DIAPH2: variants seen among roughly 807,000 people sequenced by gnomAD.
DIAPH2 encodes the protein protein diaphanous homolog 2.
Under a neutral mutation model 92.7 loss-of-function variants are expected in DIAPH2, and 35 were observed. That is an observed-to-expected ratio of 0.38 (90% CI 0.29 to 0.50). DIAPH2 has a LOEUF of 0.50. Ranked by LOEUF, DIAPH2 falls within the 20% of genes least tolerant of loss-of-function variation. The pLI, the probability that DIAPH2 is intolerant of heterozygous loss-of-function variation, is 0.94. For synonymous variants in DIAPH2, 301 were observed against 280.4 expected (o/e 1.07, Z -0.73); for missense variants, 701 against 819.5 (o/e 0.86, Z 1.77).
chrX:97,279,664 GCAAA>G (rs1175806901), intron 23 of DIAPH2, among the ~76,000 whole-genome samples: 1 of 111,167 alleles, frequency 9.0e-6, no homozygotes, highest in Non-Finnish European at 1.9e-5. Context: ...CGTTCTTAAG[GCAAA>G]CAATTTTTGT....
At chrX:97,549,172 G>A (rs1324154498) in intron 26 of DIAPH2, among the ~76,000 whole-genome samples, 1 of 111,885 alleles carries the variant, frequency 8.9e-6, no homozygotes, top group African/African-American at 3.2e-5. Context: ...AGGCAGGCTT[G>A]CTAAATAGCT....
At chrX:96,876,213 C>G (rs1457673558) in intron 4 of DIAPH2, among the ~76,000 whole-genome samples, 14 of 111,011 alleles carry the variant, frequency 1.3e-4, no homozygotes, top group African/African-American at 3.9e-4. Context: ...CAATGAGATA[C>G]CATCTCACAC....
intron 22 of DIAPH2, among the ~76,000 whole-genome samples, chrX:97,158,333 C>G (rs1275855933): frequency 1.8e-5 from 2 of 108,659 alleles, no homozygotes; most frequent in Non-Finnish European, 3.8e-5. Context: ...TATGTTTGAT[C>G]GGTTCTATTG....
At chrX:97,115,465 G>A (rs2067010038) in intron 21 of DIAPH2, among the ~76,000 whole-genome samples, 1 of 110,884 alleles carries the variant, frequency 9.0e-6, no homozygotes, top group Non-Finnish European at 1.9e-5. Flanking sequence ...GAACACGGGA[G>A]GCGGGGGTTG....
rs375396850 is a variant in DIAPH2 at position 97,351,676 on chromosome X, G to A, written c.3009+3396G>A. Among the ~76,000 whole-genome samples, 6 of 110,942 alleles carry A rather than the reference G, an allele frequency of 5.4e-5. No homozygotes were observed. The East Asian group carries it at 1.4e-3, about 26-fold the overall frequency. On this transcript the variant is annotated intron_variant, in intron 24 of 26. Coordinates refer to ENST00000324765, the MANE Select transcript of DIAPH2 (RefSeq NM_006729.5). ...AAATTAGCCGGGCGTGGTGGCGGGC[G>A]CCTGTAGTCCCAGCTACTCGGGAGG...
chrX:97,221,275 G>T (rs892859670), intron 22 of DIAPH2, among the ~76,000 whole-genome samples: 1 of 111,785 alleles, frequency 8.9e-6, no homozygotes, highest in Non-Finnish European at 1.9e-5. Flanking sequence ...GAGTTGATTT[G>T]AAAAGTTTTT....
chrX:96,687,844 G>T (rs2063779476), intron 1 of DIAPH2, among the ~76,000 whole-genome samples: 1 of 110,839 alleles, frequency 9.0e-6, no homozygotes, highest in African/African-American at 3.3e-5. Flanking sequence ...TGACCCTTTT[G>T]TTTTGATTCT....
chrX:97,219,950 G>T (rs2067911550), intron 22 of DIAPH2, among the ~76,000 whole-genome samples: 1 of 111,758 alleles, frequency 8.9e-6, no homozygotes, highest in Admixed American at 9.6e-5. Flanking sequence ...CTGAAAATAG[G>T]CATCTCAACA....
chrX:96,833,011 A>G (rs1430229951), intron 4 of DIAPH2, among the ~76,000 whole-genome samples: 2 of 111,581 alleles, frequency 1.8e-5, no homozygotes, highest in Non-Finnish European at 3.8e-5. Flanking sequence ...TTGTAGTGAC[A>G]CCAGTGTGTG....
At chrX:96,877,309 G>A (rs961864755) in intron 4 of DIAPH2, among the ~76,000 whole-genome samples, 1 of 111,759 alleles carries the variant, frequency 8.9e-6, no homozygotes, top group African/African-American at 3.2e-5. Context: ...TTAATCTATA[G>A]CATTATATTT....
intron 4 of DIAPH2, among the ~76,000 whole-genome samples, chrX:96,810,049 G>A (rs2064663971): frequency 1.8e-5 from 2 of 111,841 alleles, no homozygotes; most frequent in African/African-American, 3.3e-5. Flanking sequence ...GGGATGGCTG[G>A]GTCAAATGGT....
intron 17 of DIAPH2, among the ~76,000 whole-genome samples, chrX:97,026,910 G>A (rs984376014): frequency 1.8e-5 from 2 of 111,868 alleles, no homozygotes; most frequent in African/African-American, 3.2e-5. Flanking sequence ...CAGTATTCTA[G>A]CATTATTTTA....
At chrX:97,315,157 A>G (rs1220139418) in intron 23 of DIAPH2, among the ~76,000 whole-genome samples, 1 of 110,985 alleles carries the variant, frequency 9.0e-6, no homozygotes, top group Non-Finnish European at 1.9e-5. Flanking sequence ...CAGGTATACA[A>G]GTCAGTTGCC....
intron 23 of DIAPH2, among the ~76,000 whole-genome samples, chrX:97,321,555 T>C (rs1418532438): frequency 4.6e-5 from 4 of 87,246 alleles, no homozygotes; most frequent in African/African-American, 1.8e-4. Flanking sequence ...TTTTTTTTTT[T>C]TTTTTTTTTT....
At chrX:96,760,108 G>A (rs2064258664) in intron 4 of DIAPH2, among the ~76,000 whole-genome samples, 2 of 111,203 alleles carry the variant, frequency 1.8e-5, no homozygotes, top group South Asian at 7.5e-4. Flanking sequence ...ACAGCACTCT[G>A]ATAAGATTTC....
rs936586056 is a variant in DIAPH2 at position 97,449,375 on chromosome X, C to T, written c.3241+19630C>T. ...GTGTTAGTAATTGCTTTAGGCCACA[C>T]CACTCCATAAACAGTCCCAAGGCAA... On this transcript the variant is annotated intron_variant, in intron 26 of 26. Coordinates refer to ENST00000324765, the MANE Select transcript of DIAPH2 (RefSeq NM_006729.5). Among the ~76,000 whole-genome samples, 6 of 111,998 alleles carry T rather than the reference C, an allele frequency of 5.4e-5. No homozygotes were observed. The Admixed American group carries it at 5.7e-4, about 11-fold the overall frequency.
chrX:97,259,510 C>T (rs182991530), intron 23 of DIAPH2, among the ~76,000 whole-genome samples: 21 of 111,562 alleles, frequency 1.9e-4, no homozygotes, highest in African/African-American at 6.2e-4. Context: ...ACTCTTGTTC[C>T]GTCTTCTCCC....
chrX:97,589,046 G>A (rs977820827), intron 26 of DIAPH2, among the ~76,000 whole-genome samples: 2 of 42,560 alleles, frequency 4.7e-5, no homozygotes, highest in African/African-American at 1.1e-4. Flanking sequence ...AGATGGTTGC[G>A]GTGGCTCATG....
chrX:96,966,954 T>A (rs760518681), intron 17 of DIAPH2, among the ~76,000 whole-genome samples: 1 of 112,187 alleles, frequency 8.9e-6, no homozygotes, highest in Non-Finnish European at 1.9e-5. Context: ...GTTGTTATAA[T>A]TTTTGCTTTT....
Sources: gnomAD v4.1 joint callset for allele counts (sites outside exome capture counted in the v4.1 genomes callset) on GRCh38, gnomAD v4.1.1 for gene constraint, MANE v1.5 for transcripts, NCBI Gene and HGNC (gene_info 2026-07-23, HGNC 2026-07-21) for gene names.